Variants in TRAPPC9 observed in about 807,000 individuals in gnomAD.
The protein encoded by TRAPPC9 is trafficking protein particle complex subunit 9, also known as IKK2 binding protein.
TRAPPC9 carries 83 observed loss-of-function variants against 124.0 expected under a neutral mutation model. The ratio of observed to expected loss-of-function variants is 0.67; its 90% CI spans 0.56 to 0.80. The LOEUF (loss-of-function observed/expected upper bound fraction) is 0.80. Among genes scored for constraint, TRAPPC9 ranks in the 30% least tolerant of loss-of-function variants. The pLI is 0.00. For missense variants in TRAPPC9, 1,302 were observed against 1,508.3 expected (o/e 0.86, Z 2.27); for synonymous variants, 638 against 617.5 (o/e 1.03, Z -0.49).
At chr8:139,994,289 G>A (rs1034472984) in intron 18 of TRAPPC9, among the ~76,000 whole-genome samples, 8 of 152,354 alleles carry the variant, frequency 5.3e-5, no homozygotes, top group South Asian at 4.1e-4. Flanking sequence ...CTCAATCATC[G>A]TCCTTCTGTG....
chr8:140,405,123 A>G (rs1367674053), intron 6 of TRAPPC9, among the ~76,000 whole-genome samples: 1 of 152,188 alleles, frequency 6.6e-6, no homozygotes. Flanking sequence ...ATTGTTTTCA[A>G]TCCAAACTAA....
chr8:140,423,021 T>G (rs537090129), intron 5 of TRAPPC9, among the ~76,000 whole-genome samples: 2 of 152,304 alleles, frequency 1.3e-5, no homozygotes, highest in South Asian at 4.1e-4. Context: ...TTGCATTCAT[T>G]GCTAGTAGTA....
chr8:139,983,141 GC>G (rs1260147642), intron 19 of TRAPPC9, among the ~76,000 whole-genome samples: 1 of 152,070 alleles, frequency 6.6e-6, no homozygotes, highest in Non-Finnish European at 1.5e-5. Flanking sequence ...AAAACCCTTT[GC>G]CCCTCCCACC....
chr8:140,169,536 T>TGGAC (rs2061922037), intron 17 of TRAPPC9, among the ~76,000 whole-genome samples: 1 of 152,186 alleles, frequency 6.6e-6, no homozygotes, highest in Admixed American at 6.5e-5. Flanking sequence ...GACAGATGAT[T>TGGAC]GGACAAACAG....
At chr8:140,026,374 C>T (rs537215766) in intron 17 of TRAPPC9, among the ~76,000 whole-genome samples, 31 of 152,198 alleles carry the variant, frequency 2.0e-4, no homozygotes, top group African/African-American at 7.2e-4. Flanking sequence ...CTGAATCATA[C>T]GGGTATTCTC....
At chr8:140,357,364 G>A (rs975235263) in intron 9 of TRAPPC9, among the ~76,000 whole-genome samples, 1 of 152,096 alleles carries the variant, frequency 6.6e-6, no homozygotes. Context: ...CGGCTCAGGC[G>A]AAGGGCTCAG....
chr8:139,802,647 A>G (rs755802534), intron 21 of TRAPPC9, among the ~76,000 whole-genome samples: 1 of 152,254 alleles, frequency 6.6e-6, no homozygotes, highest in Non-Finnish European at 1.5e-5. Flanking sequence ...AGTAGTGCAA[A>G]GTTGAGTAAT....
chr8:140,230,550 T>C (rs4461885), intron 16 of TRAPPC9, among the ~76,000 whole-genome samples: 67,791 of 151,602 alleles, frequency 0.45, 16,495 homozygotes, highest in Non-Finnish European at 0.55. Flanking sequence ...AGGCAGAGCT[T>C]GCAGTGAGCC....
chr8:140,158,203 A>G (rs1157316458), intron 17 of TRAPPC9, among the ~76,000 whole-genome samples: 1 of 152,214 alleles, frequency 6.6e-6, no homozygotes, highest in Non-Finnish European at 1.5e-5. Context: ...CCACATCCCA[A>G]TCCCAAGAAC....
At chr8:140,186,874 C>CT (rs903260445) in intron 17 of TRAPPC9, among the ~76,000 whole-genome samples, 4 of 151,936 alleles carry the variant, frequency 2.6e-5, no homozygotes, top group South Asian at 4.2e-4. Flanking sequence ...AAATCTTTCC[C>CT]TTTTTTTTGA....
intron 19 of TRAPPC9, among the ~76,000 whole-genome samples, chr8:139,979,963 TTCGGACCACAGAGGGAAGAAGCGA>T (rs1836778623): frequency 2.0e-5 from 3 of 152,230 alleles, no homozygotes; most frequent in South Asian, 4.2e-4. Context: ...GCGGGAGGCC[TTCGGACCACAGAGGGAAGAAGCGA>T]TCTGCTCTCC....
chr8:140,365,864 G>A (rs948715096), intron 8 of TRAPPC9, among the ~76,000 whole-genome samples: 1 of 152,192 alleles, frequency 6.6e-6, no homozygotes, highest in African/African-American at 2.4e-5. Context: ...ATTAGTTTGT[G>A]ACCCAGGTAT....
chr8:140,368,022 T>C (rs566656731), intron 8 of TRAPPC9, among the ~76,000 whole-genome samples: 1 of 152,308 alleles, frequency 6.6e-6, no homozygotes, highest in African/African-American at 2.4e-5. Flanking sequence ...GCACACCTTA[T>C]CCATCTTTGT....
intron 18 of TRAPPC9, among the ~76,000 whole-genome samples, chr8:140,012,276 C>G (rs1034939164): frequency 6.6e-6 from 1 of 152,104 alleles, no homozygotes; most frequent in Admixed American, 6.6e-5. Context: ...AGTTCCATCC[C>G]CTCTAATTTC....
At chr8:140,163,285 G>A (rs1029288121) in intron 17 of TRAPPC9, among the ~76,000 whole-genome samples, 2 of 152,090 alleles carry the variant, frequency 1.3e-5, no homozygotes, top group East Asian at 1.9e-4. Flanking sequence ...CAAATTCCTC[G>A]AGTTTCTAAC....
intron 16 of TRAPPC9, among the ~76,000 whole-genome samples, chr8:140,239,710 A>G (rs1277351557): frequency 1.3e-5 from 2 of 152,220 alleles, no homozygotes; most frequent in African/African-American, 4.8e-5. Flanking sequence ...GGCCTCAGGA[A>G]AGAACCCAAG....
intron 7 of TRAPPC9, among the ~76,000 whole-genome samples, chr8:140,396,763 T>TA (rs147687463): frequency 0.047 from 7,075 of 152,086 alleles, 524 homozygotes; most frequent in African/African-American, 0.16. Flanking sequence ...CTCACTGACT[T>TA]AGAGACTGTC....
chr8:140,104,994 TC>T lies in TRAPPC9; in HGVS notation c.2557-80916del, dbSNP rs72268200. 9.0e-3 allele frequency among the ~76,000 whole-genome samples: 1,364 copies of T among 152,274 alleles called. 24 individuals carry two copies. Among genetic ancestry groups the T allele is most frequent in the African/African-American group, 0.031 (1,269 of 41,554 alleles). On this transcript the variant is annotated intron_variant, in intron 17 of 22. Coordinates refer to ENST00000438773, the MANE Select transcript of TRAPPC9 (RefSeq NM_001160372.4). This position sits in a 1 kb window ranked among gnomAD's most constrained non-coding sequence, Gnocchi z 4.0. ...TCAGCAGCAGCCCTGACTGCGTGGC[TC>T]CTGGGACAGCCCAAACGTACTCAGC...
intron 18 of TRAPPC9, among the ~76,000 whole-genome samples, chr8:139,989,463 T>G (rs1329017613): frequency 6.6e-6 from 1 of 152,226 alleles, no homozygotes; most frequent in Non-Finnish European, 1.5e-5. Flanking sequence ...AAGTTCCCAT[T>G]GTTCCTTGCA....
Sources: gnomAD v4.1 joint callset for allele counts (sites outside exome capture counted in the v4.1 genomes callset) on GRCh38, gnomAD v4.1.1 for gene constraint, Gnocchi (gnomAD v3.1) non-coding constraint, MANE v1.5 for transcripts, NCBI Gene and HGNC (gene_info 2026-07-23, HGNC 2026-07-21) for gene names.